OSBPL11: variants seen among roughly 807,000 people sequenced by gnomAD.
OSBPL11 encodes oxysterol-binding protein-related protein 11.
OSBPL11 carries 33 observed loss-of-function variants against 84.4 expected under a neutral mutation model. The ratio of observed to expected loss-of-function variants is 0.39; its 90% CI spans 0.30 to 0.52. The LOEUF (loss-of-function observed/expected upper bound fraction) is 0.52. Ranked by LOEUF, OSBPL11 falls within the 20% of genes least tolerant of loss-of-function variation. The pLI, the probability that OSBPL11 is intolerant of heterozygous loss-of-function variation, is 0.72. For synonymous variants in OSBPL11, 276 were observed against 310.2 expected (o/e 0.89, Z 1.16); for missense variants, 736 against 901.1 (o/e 0.82, Z 2.35).
At chr3:125,556,137 C>T (rs1006179484) in intron 8 of OSBPL11, among the ~76,000 whole-genome samples, 3 of 152,106 alleles carry the variant, frequency 2.0e-5, no homozygotes, top group African/African-American at 7.2e-5. Flanking sequence ...AAAGAAGAAA[C>T]GGATACAGTA....
chr3:125,547,001 T>C (rs1935829404), intron 10 of OSBPL11, among the ~76,000 whole-genome samples: 1 of 152,118 alleles, frequency 6.6e-6, no homozygotes, highest in African/African-American at 2.4e-5. Flanking sequence ...ATGAAGCACA[T>C]ACACTGGCTT....
Position 125,531,716 on chromosome 3 carries a change from G to T in OSBPL11, c.2178+145C>A. 4 of 687,530 alleles carry T rather than the reference G, an allele frequency of 5.8e-6. No homozygotes were observed. The South Asian group carries it at 9.0e-5, about 15-fold the overall frequency. The allele number at this position is 687,530 out of a possible 1,614,324, so 42.6% of individuals were successfully genotyped here. On this transcript the variant is annotated intron_variant, in intron 12 of 12. Transcript: ENST00000296220. ...GTCTTGCTATAGGTTACCCAGGCTGGTCTCAAAAACAGTTGGTATTTATAT... is the reference window on the plus strand; with the variant it reads ...GTCTTGCTATAGGTTACCCAGGCTGTTCTCAAAAACAGTTGGTATTTATAT...
intron 8 of OSBPL11, among the ~76,000 whole-genome samples, chr3:125,559,299 T>C (rs1007564091): frequency 2.6e-5 from 4 of 152,234 alleles, no homozygotes; most frequent in African/African-American, 9.6e-5. Context: ...TTTTCCAGTA[T>C]AGTATACCAA....
intron 4 of OSBPL11, among the ~76,000 whole-genome samples, chr3:125,577,554 G>T (rs1238256075): frequency 6.6e-6 from 1 of 152,164 alleles, no homozygotes; most frequent in Non-Finnish European, 1.5e-5. Context: ...CTCGCTGGGC[G>T]TGGTGGCTCA....
intron 2 of OSBPL11, among the ~76,000 whole-genome samples, chr3:125,580,382 T>C (rs1580061158): frequency 6.6e-6 from 1 of 151,766 alleles, no homozygotes; most frequent in Non-Finnish European, 1.5e-5. Flanking sequence ...GGTGTGGTGG[T>C]GCATGCCTGT....
rs1041972144 is a variant in OSBPL11 at position 125,567,272 on chromosome 3, A to G, written c.868+122T>C. The G allele has an allele frequency of 4.4e-5, 36 of 809,870 alleles. No homozygotes were observed. The African/African-American group carries it at 5.6e-4, about 13-fold the overall frequency. 50.2% of individuals were successfully genotyped at this position (809,870 alleles called of 1,614,324 possible). Reference sequence around the variant, plus strand: ...ATCAGCATGATAATTAAAAACCAACAGGCTCTGGTTTTCTTCTCCTTTTTT... The same window carrying G: ...ATCAGCATGATAATTAAAAACCAACGGGCTCTGGTTTTCTTCTCCTTTTTT... On this transcript the variant is annotated intron_variant, in intron 6 of 12. Coordinates refer to ENST00000296220, the MANE Select transcript of OSBPL11 (RefSeq NM_022776.5).
chr3:125,588,586 T>C (rs1936550164), intron 1 of OSBPL11, among the ~76,000 whole-genome samples: 1 of 152,168 alleles, frequency 6.6e-6, no homozygotes, highest in Non-Finnish European at 1.5e-5. Flanking sequence ...ACCAGGCAAG[T>C]CACATGTCAA....
At chr3:125,578,541 C>T (rs527411977) in intron 4 of OSBPL11, among the ~76,000 whole-genome samples, 33 of 152,198 alleles carry the variant, frequency 2.2e-4, no homozygotes, top group African/African-American at 7.7e-4. Context: ...GTCAGGAGTT[C>T]GAGGCCAGCC....
At position 125,535,664 on chromosome 3, in the gene OSBPL11, G is replaced by A. The variant is rs568264372; in HGVS notation, c.2024+2787C>T. ...TGATTTTTGTATTTTTAGTAGAGAT[G>A]GGGTTTCACCATGTTGGCCAGGCTG... On this transcript the variant is annotated intron_variant, in intron 11 of 12. Transcript: ENST00000296220. 8.6e-4 allele frequency among the ~76,000 whole-genome samples: 130 copies of A among 150,826 alleles called. 1 individual carries two copies. The highest frequency in any genetic ancestry group is 3.0e-3 in the African/African-American group (124 of 41,288).
At chr3:125,549,585 G>A (rs1463202198) in intron 9 of OSBPL11, among the ~76,000 whole-genome samples, 1 of 152,014 alleles carries the variant, frequency 6.6e-6, no homozygotes, top group African/African-American at 2.4e-5. Context: ...GAGCTCAAGT[G>A]ATCCTGCCAC....
intron 5 of OSBPL11, among the ~76,000 whole-genome samples, chr3:125,574,797 A>G (rs377573587): frequency 8.3e-4 from 127 of 152,298 alleles, no homozygotes; most frequent in African/African-American, 2.9e-3. Context: ...CAAGATATGC[A>G]TAACTCTGTA....
intron 10 of OSBPL11, 45 bp downstream of exon 10, chr3:125,547,361 C>A: frequency 6.6e-7 from 1 of 1,523,968 alleles, no homozygotes. Flanking sequence ...AATACAAAAT[C>A]AAAGTGGAAG....
At chr3:125,550,371 TCACACACACACACACACACA>T (rs58412964) in intron 9 of OSBPL11, among the ~76,000 whole-genome samples, 1 of 132,244 alleles carries the variant, frequency 7.6e-6, no homozygotes. Flanking sequence ...CTAGACCGTG[TCACACACACACACACACACA>T]CACACACACA....
chr3:125,570,096 C>A (rs1936221116), intron 5 of OSBPL11, among the ~76,000 whole-genome samples: 1 of 151,896 alleles, frequency 6.6e-6, no homozygotes, highest in African/African-American at 2.4e-5. Flanking sequence ...AATCAGAAGT[C>A]ACAATATAAA....
chr3:125,532,836 T>G (rs1935581459), intron 11 of OSBPL11, among the ~76,000 whole-genome samples: 1 of 83,376 alleles, frequency 1.2e-5, no homozygotes, highest in Non-Finnish European at 2.3e-5. Context: ...ATCCATACAG[T>G]GCAATACTAT....
chr3:125,583,038 T>A, intron 1 of OSBPL11, 60 bp from the exon 2 acceptor site: 1 of 1,256,570 alleles, frequency 8.0e-7, no homozygotes, highest in East Asian at 2.4e-5. Flanking sequence ...AGGAGGATAA[T>A]GGTACAATTT....
intron 7 of OSBPL11, 65 bp downstream of exon 7, chr3:125,563,633 A>T: frequency 1.9e-6 from 3 of 1,541,314 alleles, no homozygotes; most frequent in Non-Finnish European, 2.7e-6. Flanking sequence ...AATGAAAAGA[A>T]AACTGACCCT....
intron 2 of OSBPL11, among the ~76,000 whole-genome samples, chr3:125,581,223 C>T (rs557742200): frequency 1.3e-5 from 2 of 151,992 alleles, no homozygotes; most frequent in Admixed American, 6.5e-5. Context: ...TCCCAAGTAC[C>T]TGGGATTACA....
Position 125,565,489 on chromosome 3 carries a change from A to C in OSBPL11, c.869-1646T>G, listed in dbSNP as rs72979738. Among the ~76,000 whole-genome samples the C allele has an allele frequency of 9.0e-3, 1,364 of 152,288 alleles. 15 individuals carry two copies. Among genetic ancestry groups the C allele is most frequent in the African/African-American group, 0.031 (1,270 of 41,546 alleles). On this transcript the variant is annotated intron_variant, in intron 6 of 12. Coordinates refer to ENST00000296220, the MANE Select transcript of OSBPL11 (RefSeq NM_022776.5). ...ATTTATAAATAGCATATGATTGGAAAACATTTTTGATGTAAAGTGAAAAAA... is the reference window on the plus strand; with the variant it reads ...ATTTATAAATAGCATATGATTGGAACACATTTTTGATGTAAAGTGAAAAAA...
Sources: gnomAD v4.1 joint callset for allele counts (sites outside exome capture counted in the v4.1 genomes callset) on GRCh38, gnomAD v4.1.1 for gene constraint, MANE v1.5 for transcripts, NCBI Gene and HGNC (gene_info 2026-07-23, HGNC 2026-07-21) for gene names.